Variants in EPB41L3 observed in about 807,000 individuals in gnomAD.
EPB41L3 encodes the protein band 4.1-like protein 3.
In EPB41L3, 57 loss-of-function variants were observed where a neutral mutation model predicts 127.1. That is an observed-to-expected ratio of 0.45 (90% CI 0.36 to 0.56). The LOEUF (loss-of-function observed/expected upper bound fraction) is 0.56, where lower values mean the gene tolerates loss of function less well. Among genes scored for constraint, EPB41L3 ranks in the 20% least tolerant of loss-of-function variants. The pLI, the probability that EPB41L3 is intolerant of heterozygous loss-of-function variation, is 0.00. For missense variants in EPB41L3, 1,273 were observed against 1,372.2 expected, an observed-to-expected ratio of 0.93 and a Z score of 1.14; for synonymous variants, 572 against 549.5, an observed-to-expected ratio of 1.04 and a Z score of -0.57.
At chr18:5,592,000 A>G (rs2094490375) in intron 3 of EPB41L3, among the ~76,000 whole-genome samples, 2 of 152,290 alleles carry the variant, frequency 1.3e-5, no homozygotes, top group Admixed American at 6.5e-5. Context: ...TGGACTTACA[A>G]AAAAATGCTT....
intron 3 of EPB41L3, among the ~76,000 whole-genome samples, chr18:5,605,130 T>C (rs780765936): frequency 1.3e-5 from 2 of 152,050 alleles, no homozygotes; most frequent in African/African-American, 2.4e-5. Flanking sequence ...TAGAAACAAC[T>C]TGGAAGTCAT....
At chr18:5,577,391 G>C (rs1242164168) in intron 3 of EPB41L3, 2 of 451,198 alleles carry the variant, frequency 4.4e-6, no homozygotes, top group Non-Finnish European at 8.9e-6. Context: ...GCATGCTGCA[G>C]TGCAGCAATT....
intron 1 of EPB41L3, among the ~76,000 whole-genome samples, chr18:5,489,854 T>C (rs2148311738): frequency 6.6e-6 from 1 of 152,294 alleles, no homozygotes; most frequent in Middle Eastern, 3.4e-3. Context: ...CTTCCTGGCT[T>C]CCCCCTATTT....
chr18:5,455,084 G>A lies in EPB41L3; in HGVS notation c.382-9840C>T, dbSNP rs112002298. On this transcript the variant is annotated intron_variant, in intron 3 of 22. Coordinates refer to ENST00000341928, the MANE Select transcript of EPB41L3 (RefSeq NM_012307.5). ...ACTGGTACTTATGCAAAGGATTGTT[G>A]TATTAAGATAAAACACTGGAAAGCA... 6.7e-3 allele frequency among the ~76,000 whole-genome samples: 1,017 copies of A among 152,230 alleles called. 12 individuals carry two copies. The highest frequency in any genetic ancestry group is 0.023 in the African/African-American group (969 of 41,530).
chr18:5,576,995 AT>A (rs11321485), intron 3 of EPB41L3, among the ~76,000 whole-genome samples: 59,387 of 151,884 alleles, frequency 0.39, 12,243 homozygotes, highest in Non-Finnish European at 0.46. Context: ...TTTCTGACGA[AT>A]TGGTCAGGCT....
intron 3 of EPB41L3, among the ~76,000 whole-genome samples, chr18:5,447,499 T>C (rs2081655035): frequency 1.5e-5 from 2 of 130,046 alleles, no homozygotes; most frequent in Admixed American, 9.6e-5. Flanking sequence ...CGTAGAAAAA[T>C]ACATATCAGT....
intron 1 of EPB41L3, among the ~76,000 whole-genome samples, chr18:5,527,916 C>T (rs2093285092): frequency 6.6e-6 from 1 of 152,180 alleles, no homozygotes; most frequent in South Asian, 2.1e-4. Context: ...CAGATATCAA[C>T]ATACACGGAT....
chr18:5,484,878 A>C (rs2089455578), intron 2 of EPB41L3, among the ~76,000 whole-genome samples: 1 of 151,924 alleles, frequency 6.6e-6, no homozygotes, highest in Non-Finnish European at 1.5e-5. Context: ...CAAGACCTGA[A>C]GGCTTCATTT....
At chr18:5,591,319 T>C (rs983977782) in intron 3 of EPB41L3, among the ~76,000 whole-genome samples, 3 of 150,238 alleles carry the variant, frequency 2.0e-5, no homozygotes, top group Non-Finnish European at 4.4e-5. Context: ...ACAGTTTTGG[T>C]GGATGGGAAG....
chr18:5,518,849 C>T (rs929451776), intron 1 of EPB41L3, among the ~76,000 whole-genome samples: 5 of 152,044 alleles, frequency 3.3e-5, no homozygotes, highest in Non-Finnish European at 7.4e-5. Flanking sequence ...TTTACATGGA[C>T]AAGTATTTGC....
At chr18:5,510,825 C>A (rs894953613) in intron 1 of EPB41L3, among the ~76,000 whole-genome samples, 4 of 151,980 alleles carry the variant, frequency 2.6e-5, no homozygotes, top group African/African-American at 9.7e-5. Context: ...TACCCCATCA[C>A]CCTCAAATTT....
chr18:5,397,098 A>G lies in EPB41L3; in HGVS notation c.2801T>C (p.Ile934Thr), dbSNP rs1239600975. 6.2e-7 allele frequency: 1 copy of G among 1,609,536 alleles called. No homozygotes were observed. Among genetic ancestry groups the G allele is most frequent in the African/African-American group, 1.3e-5 (1 of 74,806 alleles). ...RERQEEQSAAIHISETLEQKP... is the reference protein window; with the variant it reads ...RERQEEQSAATHISETLEQKP... The stretch of plus-strand genomic sequence containing the variant: ...TTGTTCCAAAGTTTCTGAAATGTGG[A>G]TGGCTGCACTCTGCTCCTCTTGTCG... Residue 934 changes from isoleucine (I) to threonine (T), a missense_variant, in exon 18 of 23, where the codon ATC (isoleucine) becomes ACC (threonine). Physicochemically the swap from Ile to Thr is moderately conservative, Grantham distance 89. Transcript: ENST00000341928. The surrounding 1 kb of genome is among the most constrained non-coding windows in gnomAD (Gnocchi z 4.1).
At chr18:5,555,968 A>G (rs1462332271) in intron 3 of EPB41L3, among the ~76,000 whole-genome samples, 1 of 152,156 alleles carries the variant, frequency 6.6e-6, no homozygotes, top group Non-Finnish European at 1.5e-5. Flanking sequence ...CCTCTGCTTC[A>G]AACATTGCAC....
At chr18:5,437,325 C>T (rs2080002677) in intron 6 of EPB41L3, among the ~76,000 whole-genome samples, 1 of 152,206 alleles carries the variant, frequency 6.6e-6, no homozygotes, top group African/African-American at 2.4e-5. Context: ...CAGCATTCTG[C>T]AACCCAGAAG....
rs769039231 is a variant in EPB41L3, at chr18:5,489,014, G to A, written c.170C>T (p.Pro57Leu). 16 of 1,584,038 alleles carry A rather than the reference G, an allele frequency of 1.0e-5. No homozygotes were observed. The highest frequency in any genetic ancestry group is 7.0e-5 in the Admixed American group (4 of 57,548). ...GCCTGGGCTCACCTCCCTCCGCACC[G>A]GGGTGCTGTGCGCTGCAGCGGCGGC... ...QFAAAAAHSTPVRREVTDKEQ... is the reference protein window; with the variant it reads ...QFAAAAAHSTLVRREVTDKEQ... The change falls in exon 2 of 23, where the codon CCG becomes CTG. Residue 57 changes from proline to leucine, a missense_variant. Physicochemically the swap from Pro to Leu is moderately conservative, Grantham distance 98. Coordinates refer to ENST00000341928, the MANE Select transcript of EPB41L3 (RefSeq NM_012307.5).
rs571369038 is a variant in EPB41L3 at position 5,443,283 on chromosome 18, T to C, written c.529+555A>G. On this transcript the variant is annotated intron_variant, in intron 5 of 22. Coordinates refer to ENST00000341928, the MANE Select transcript of EPB41L3 (RefSeq NM_012307.5). The stretch of plus-strand genomic sequence containing the variant: ...TTTGTTAATCTGAATAGGTGAAAAA[T>C]GTGTCATTTTAATTTGCATTTAATC... 5.3e-5 allele frequency among the ~76,000 whole-genome samples: 8 copies of C among 152,356 alleles called. No homozygotes were observed. In the South Asian group the frequency reaches 1.4e-3, roughly 28 times the overall value.
intron 16 of EPB41L3, among the ~76,000 whole-genome samples, chr18:5,405,538 A>G (rs2075231165): frequency 6.6e-6 from 1 of 150,948 alleles, no homozygotes; most frequent in Non-Finnish European, 1.5e-5. Flanking sequence ...ACATTTAAAA[A>G]GAGCTTCCTT....
In EPB41L3 at chr18:5,416,350, G is replaced by A. The variant is rs2076822328; in HGVS notation, c.1535C>T (p.Pro512Leu). 1.2e-6 allele frequency: 2 copies of A among 1,613,582 alleles called. No individual in the cohort carries two copies. The highest frequency in any genetic ancestry group is 1.7e-6 in the Non-Finnish European group (2 of 1,179,952). The change falls in exon 13 of 23, where the codon CCC becomes CTC. Residue 512 changes from proline to leucine, a missense_variant. Coordinates refer to ENST00000341928, the MANE Select transcript of EPB41L3 (RefSeq NM_012307.5). ...KSPGLGTDSC[P>L]LSPPSTHCAP... is the part of the protein sequence containing the mutation. ...ACAATGGGTGGATGGGGGTGACAAG[G>A]GACATGAGTCAGTGCCAAGCCCAGG...
intron 3 of EPB41L3, among the ~76,000 whole-genome samples, chr18:5,560,810 T>G (rs2094114605): frequency 1.3e-5 from 2 of 152,132 alleles, no homozygotes; most frequent in Non-Finnish European, 2.9e-5. Flanking sequence ...CTTACTACCC[T>G]CTGTGGCTTC....
Sources: gnomAD v4.1 joint callset for allele counts (sites outside exome capture counted in the v4.1 genomes callset) on GRCh38, gnomAD v4.1.1 for gene constraint, Gnocchi (gnomAD v3.1) non-coding constraint, MANE v1.5 for transcripts, NCBI Gene and HGNC (gene_info 2026-07-23, HGNC 2026-07-21) for gene names.